The following BICRAL variants were observed in gnomAD, a reference collection of about 807,000 sequenced individuals.
BICRAL encodes the protein BRD4-interacting chromatin-remodeling complex-associated protein-like.
BICRAL carries 8 observed loss-of-function variants against 91.8 expected under a neutral mutation model. That is an observed-to-expected ratio of 0.09 (90% CI 0.05 to 0.16). The LOEUF is 0.16. BICRAL is among the 10% of genes least tolerant of loss of function. The probability of loss-of-function intolerance (pLI) is 1.00; values close to 1 mark genes in which losing one functional copy is unlikely to be tolerated. For missense variants in BICRAL, 1,038 were observed against 1,310.9 expected (o/e 0.79, Z 3.21); for synonymous variants, 445 against 491.1 (o/e 0.91, Z 1.24).
At chr6:42,747,045 C>T (rs1395158799) in intron 1 of BICRAL, 4 of 152,352 alleles carry the variant, frequency 2.6e-5, no homozygotes, top group African/African-American at 7.2e-5. Context: ...GCCCCGGGCT[C>T]CGTGGCTCTC....
chr6:42,747,726 G>C (rs958061239), intron 1 of BICRAL, among the ~76,000 whole-genome samples: 11 of 152,078 alleles, frequency 7.2e-5, no homozygotes, highest in African/African-American at 2.7e-4. Flanking sequence ...TTACTCTTGT[G>C]CATAGTCATC....
intron 9 of BICRAL, 136 bp downstream of exon 9, chr6:42,856,053 A>G (rs1332316495): frequency 5.4e-6 from 4 of 743,744 alleles, no homozygotes; most frequent in Non-Finnish European, 9.5e-6. Context: ...GAGGCAAGGC[A>G]TGGTGACTCA....
Position 42,855,887 on chromosome 6 carries a change from C to T in BICRAL, c.2078C>T (p.Pro693Leu). The T allele has an allele frequency of 6.2e-7, 1 of 1,613,788 alleles. No individual in the cohort carries two copies. The highest frequency in any genetic ancestry group is 8.5e-7 in the Non-Finnish European group (1 of 1,179,768). ...VESHSGGQKRPAAKQLTKGAF... is the reference protein window; with the variant it reads ...VESHSGGQKRLAAKQLTKGAF... ...AGTCATTCGGGAGGACAAAAAAGGCCTGCTGCGAAACAGCTAACGAAAGGA... is the reference window on the plus strand; with the variant it reads ...AGTCATTCGGGAGGACAAAAAAGGCTTGCTGCGAAACAGCTAACGAAAGGA... The change falls in exon 9 of 13, where the codon CCT (proline) becomes CTT (leucine). Residue 693 changes from proline to leucine, a missense_variant. Around this residue, in one of 5 missense-constraint regions of BICRAL, gnomAD observed 532 missense variants for 724.9 expected, o/e 0.73. Coordinates refer to ENST00000314073, the MANE Select transcript of BICRAL (RefSeq NM_001393499.1).
intron 6 of BICRAL, among the ~76,000 whole-genome samples, chr6:42,851,027 A>G (rs915220188): frequency 2.6e-5 from 4 of 151,518 alleles, no homozygotes; most frequent in Admixed American, 6.6e-5. Context: ...TCTACTAAAA[A>G]TAGAAAAATT....
rs2114061974 is a variant in BICRAL at position 42,868,325 on chromosome 6, G to T, written c.*2879G>T. The T allele has an allele frequency of 6.6e-6, 1 of 151,626 alleles. No individual in the cohort carries two copies. Among genetic ancestry groups the T allele is most frequent in the Non-Finnish European group, 1.5e-5 (1 of 67,882 alleles). 9.4% of individuals were successfully genotyped at this position (151,626 alleles called of 1,614,324 possible). A position where few individuals can be genotyped will look rare whatever the true frequency, so the allele number is the denominator to read the frequency against. On this transcript the variant is annotated 3_prime_UTR_variant, in exon 13 of 13. Coordinates refer to ENST00000314073, the MANE Select transcript of BICRAL (RefSeq NM_001393499.1). ...TTTATTTGCTTAAATACCTTCATTTGTATAGTACGTCTCACTTGAAATTGC... is the reference window on the plus strand; with the variant it reads ...TTTATTTGCTTAAATACCTTCATTTTTATAGTACGTCTCACTTGAAATTGC...
chr6:42,821,237 GA>G (rs1764128382), intron 2 of BICRAL: 1 of 152,314 alleles, frequency 6.6e-6, no homozygotes, highest in Non-Finnish European at 1.5e-5. Context: ...TCTGTGGGGA[GA>G]GCTGCTCTTG....
Position 42,860,335 on chromosome 6 carries a change from C to T in BICRAL, c.2328C>T (p.Cys776=), listed in dbSNP as rs1262231284. ...RTQAMLNKYR[C]LLLEDAMRIN... ...AAGCTATGCTTAACAAATACAGATG[C>T]CTGCTCCTAGAAGATGCCATGGTAA... is the stretch of plus-strand genomic sequence containing the variant. The change falls in exon 11 of 13, where the codon TGC becomes TGT. Residue 776 remains cysteine (C), a synonymous_variant. Coordinates refer to ENST00000314073, the MANE Select transcript of BICRAL (RefSeq NM_001393499.1). 1.5e-5 allele frequency: 24 copies of T among 1,605,470 alleles called. No homozygotes were observed. The highest frequency in any genetic ancestry group is 2.0e-5 in the Non-Finnish European group (23 of 1,172,692).
At position 42,867,014 on chromosome 6, in the gene BICRAL, T is replaced by G; in HGVS notation, c.*1568T>G. 1 of 360,422 alleles carries G rather than the reference T, an allele frequency of 2.8e-6. No individual in the cohort carries two copies. Among genetic ancestry groups the G allele is most frequent in the South Asian group, 2.1e-5 (1 of 47,564 alleles). The allele number at this position is 360,422 out of a possible 1,614,324, so 22.3% of individuals were successfully genotyped here. A position where few individuals can be genotyped will look rare whatever the true frequency, so the allele number is the denominator to read the frequency against. ...CACTCACTCTCCTTCTTAGTGTGCA[T>G]ACTCTCTCATTTATTCTGTTTATCT... On this transcript the variant is annotated 3_prime_UTR_variant, in exon 13 of 13. Coordinates refer to ENST00000314073, the MANE Select transcript of BICRAL (RefSeq NM_001393499.1).
intron 1 of BICRAL, among the ~76,000 whole-genome samples, chr6:42,751,884 T>G (rs906025781): frequency 4.6e-5 from 7 of 152,026 alleles, no homozygotes; most frequent in African/African-American, 1.7e-4. Flanking sequence ...CTTGAACTCC[T>G]GACCTCAGAT....
intron 6 of BICRAL, among the ~76,000 whole-genome samples, chr6:42,833,327 C>T (rs1013185155): frequency 3.9e-5 from 6 of 152,092 alleles, no homozygotes; most frequent in South Asian, 2.1e-4. Context: ...GGATTACAGG[C>T]GTGAGCCACC....
chr6:42,788,997 G>A (rs1763189413), intron 1 of BICRAL, among the ~76,000 whole-genome samples: 1 of 152,212 alleles, frequency 6.6e-6, no homozygotes, highest in Non-Finnish European at 1.5e-5. Context: ...GTTTGACAGA[G>A]GAGAAGCAGT....
At chr6:42,823,910 C>T (rs772003397) in intron 5 of BICRAL, among the ~76,000 whole-genome samples, 11 of 150,426 alleles carry the variant, frequency 7.3e-5, no homozygotes, top group Non-Finnish European at 1.0e-4. Context: ...GGCGACAGAG[C>T]GAAACTCCAT....
At chr6:42,818,768 ATCTACCTTATTT>A (rs1764062184) in intron 2 of BICRAL, among the ~76,000 whole-genome samples, 1 of 152,164 alleles carries the variant, frequency 6.6e-6, no homozygotes, top group Admixed American at 6.5e-5. Context: ...TGAGGTGTGA[ATCTACCTTATTT>A]TCCCCATATG....
upstream of BICRAL, among the ~76,000 whole-genome samples, chr6:42,777,742 C>T (rs1476261583): frequency 6.6e-6 from 1 of 152,148 alleles, no homozygotes; most frequent in African/African-American, 2.4e-5. Flanking sequence ...TTTGGAGGTC[C>T]AAGCATGTGT....
intron 1 of BICRAL, among the ~76,000 whole-genome samples, chr6:42,767,591 G>T (rs562280517): frequency 6.6e-6 from 1 of 152,212 alleles, no homozygotes; most frequent in African/African-American, 2.4e-5. Flanking sequence ...TGGTAAAGAC[G>T]CAAGAAATGT....
intron 1 of BICRAL, among the ~76,000 whole-genome samples, chr6:42,786,887 A>G (rs944236289): frequency 1.4e-4 from 21 of 152,138 alleles, no homozygotes; most frequent in African/African-American, 4.6e-4. Flanking sequence ...GGTAGGAATG[A>G]GATGGAGTTG....
At position 42,828,999 on chromosome 6, in the gene BICRAL, T is replaced by C; in HGVS notation, c.666T>C (p.His222=). The change falls in exon 6 of 13, where the codon CAT becomes CAC. Residue 222 remains histidine (H), a synonymous_variant. Transcript: ENST00000314073. ...QIQLIGSFGN[H]PSMMTINNLD... ...AGTTAATTGGGTCATTTGGTAATCA[T>C]CCTTCCATGATGACTATTAATAACC... is the stretch of plus-strand genomic sequence containing the variant. 6.2e-7 allele frequency: 1 copy of C among 1,613,992 alleles called. No homozygotes were observed. The highest frequency in any genetic ancestry group is 8.5e-7 in the Non-Finnish European group (1 of 1,179,896).
chr6:42,856,273 C>A (rs13217089), intron 9 of BICRAL, among the ~76,000 whole-genome samples: 20 of 150,836 alleles, frequency 1.3e-4, no homozygotes, highest in African/African-American at 4.9e-4. Flanking sequence ...TTGGAGATTG[C>A]GCCACTGCAC....
intron 2 of BICRAL, among the ~76,000 whole-genome samples, chr6:42,810,959 A>G (rs1179421669): frequency 6.6e-6 from 1 of 152,004 alleles, no homozygotes; most frequent in African/African-American, 2.4e-5. Context: ...CCTTTCTCCT[A>G]TTCTCCCTCT....
Sources: gnomAD v4.1 joint callset for allele counts (sites outside exome capture counted in the v4.1 genomes callset) on GRCh38, gnomAD v4.1.1 for gene constraint, gnomAD v4.1.1 regional missense constraint, MANE v1.5 for transcripts, NCBI Gene and HGNC (gene_info 2026-07-23, HGNC 2026-07-21) for gene names.